Variants in CARMIL1 observed in about 807,000 individuals in gnomAD.
CARMIL1 encodes F-actin-uncapping protein LRRC16A.
CARMIL1 carries 90 observed loss-of-function variants against 177.1 expected under a neutral mutation model. That is an observed-to-expected ratio of 0.51 (90% CI 0.43 to 0.61). CARMIL1 has a LOEUF of 0.61. Ranked by LOEUF, CARMIL1 falls within the 20% of genes least tolerant of loss-of-function variation. The pLI, the probability that CARMIL1 is intolerant of heterozygous loss-of-function variation, is 0.00. For missense variants in CARMIL1, 1,380 were observed against 1,667.0 expected (o/e 0.83, Z 3.00); for synonymous variants, 577 against 606.2 (o/e 0.95, Z 0.71).
intron 36 of CARMIL1, among the ~76,000 whole-genome samples, chr6:25,611,453 A>G (rs1816497990): frequency 6.6e-6 from 1 of 152,222 alleles, no homozygotes; most frequent in African/African-American, 2.4e-5. Flanking sequence ...GCCTGCAGGT[A>G]TTCTCTGACA....
intron 36 of CARMIL1, among the ~76,000 whole-genome samples, chr6:25,617,297 T>C (rs1015189937): frequency 6.6e-5 from 10 of 152,214 alleles, no homozygotes; most frequent in African/African-American, 2.2e-4. Context: ...ATCTCAGTTT[T>C]TTATCTGTGA....
chr6:25,279,609 CTCT>C lies in CARMIL1; in HGVS notation c.-185_-183del, dbSNP rs1224452004. ...CAGCAAATCCGCCTCGCATTTGCAA[CTCT>C]TTTTTTTTTTTTTGGTGGGGCGGGG... On this transcript the variant is annotated 5_prime_UTR_variant, in exon 1 of 37. Transcript: ENST00000329474. 1 of 571,642 alleles carries C rather than the reference CTCT, an allele frequency of 1.7e-6. No individual in the cohort carries two copies. Among genetic ancestry groups the C allele is most frequent in the Non-Finnish European group, 3.1e-6 (1 of 324,090 alleles). 35.4% of individuals were successfully genotyped at this position (571,642 alleles called of 1,614,324 possible). A position where few individuals can be genotyped will look rare whatever the true frequency, so the allele number is the denominator to read the frequency against.
intron 3 of CARMIL1, 46 bp from the exon 4 acceptor site, chr6:25,426,455 A>G (rs1409061260): frequency 2.8e-6 from 4 of 1,411,640 alleles, no homozygotes; most frequent in East Asian, 2.3e-5. Context: ...TTTTTTTAAA[A>G]CCCTCATTGC....
Position 25,426,510 on chromosome 6 carries a change from A to T in CARMIL1, c.199A>T (p.Thr67Ser). The T allele has an allele frequency of 6.2e-7, 1 of 1,611,714 alleles. No homozygotes were observed. The highest frequency in any genetic ancestry group is 8.5e-7 in the Non-Finnish European group (1 of 1,178,814). The change falls in exon 4 of 37, where the codon ACC becomes TCC. Residue 67 changes from threonine to serine, a missense_variant. Coordinates refer to ENST00000329474, the MANE Select transcript of CARMIL1 (RefSeq NM_017640.6). ...TTCCCCTCAATTGCAGCTCGAGTTA[A>T]CCTTCAGCTACTTGGAGATTCATGG... ...TARIPTKLEL[T>S]FSYLEIHGVV...
chr6:25,608,137 T>A (rs1187505593), intron 35 of CARMIL1, among the ~76,000 whole-genome samples: 1 of 152,210 alleles, frequency 6.6e-6, no homozygotes, highest in Non-Finnish European at 1.5e-5. Flanking sequence ...GAAATAGTTC[T>A]TATAGAATGA....
In CARMIL1 at chr6:25,619,793, A is replaced by G. The variant is rs115085361; in HGVS notation, c.*210A>G. 7.0e-4 allele frequency: 238 copies of G among 340,406 alleles called. No individual in the cohort carries two copies. Among genetic ancestry groups the G allele is most frequent in the African/African-American group, 5.9e-3 (233 of 39,632 alleles). 21.1% of individuals were successfully genotyped at this position (340,406 alleles called of 1,614,324 possible). ...AAACAGATCCATTTCTTGGTAATCA[A>G]AGCACATTTGTTTGGTCTTCCTCCA... On this transcript the variant is annotated 3_prime_UTR_variant, in exon 37 of 37. Transcript: ENST00000329474.
chr6:25,542,530 C>T (rs1200916077), intron 26 of CARMIL1, among the ~76,000 whole-genome samples: 1 of 152,090 alleles, frequency 6.6e-6, no homozygotes, highest in Non-Finnish European at 1.5e-5. Context: ...TTCTAAGGTC[C>T]CAGGCCTCCA....
At chr6:25,293,265 G>GGTGTATGTGTGT (rs1782123209) in intron 2 of CARMIL1, among the ~76,000 whole-genome samples, 4 of 134,300 alleles carry the variant, frequency 3.0e-5, no homozygotes, top group Non-Finnish European at 6.4e-5. Flanking sequence ...AAGGATGCTT[G>GGTGTATGTGTGT]GTGTGTGTGT....
intron 2 of CARMIL1, among the ~76,000 whole-genome samples, chr6:25,320,855 G>T (rs1158708326): frequency 6.6e-6 from 1 of 152,136 alleles, no homozygotes; most frequent in Non-Finnish European, 1.5e-5. Flanking sequence ...ATTATCTTGG[G>T]CTACACGTAA....
chr6:25,432,598 G>A (rs1796891225), intron 4 of CARMIL1, among the ~76,000 whole-genome samples: 1 of 152,122 alleles, frequency 6.6e-6, no homozygotes, highest in African/African-American at 2.4e-5. Context: ...CAGTTTTATA[G>A]TTATACAATT....
At chr6:25,327,473 A>G (rs755091365) in intron 2 of CARMIL1, among the ~76,000 whole-genome samples, 3 of 152,264 alleles carry the variant, frequency 2.0e-5, no homozygotes, top group Non-Finnish European at 4.4e-5. Flanking sequence ...GTTTTAGATT[A>G]GAAGAAACCA....
At chr6:25,482,565 T>C (rs1802222703) in intron 12 of CARMIL1, among the ~76,000 whole-genome samples, 1 of 152,246 alleles carries the variant, frequency 6.6e-6, no homozygotes, top group African/African-American at 2.4e-5. Flanking sequence ...TTTTGACATG[T>C]ACATGCAGTC....
intron 2 of CARMIL1, among the ~76,000 whole-genome samples, chr6:25,349,968 C>T (rs1268044169): frequency 6.6e-6 from 1 of 152,022 alleles, no homozygotes; most frequent in Non-Finnish European, 1.5e-5. Context: ...ACCTCGTGAT[C>T]CGCCCGCCTT....
At chr6:25,283,325 G>C (rs895096975) in intron 1 of CARMIL1, among the ~76,000 whole-genome samples, 2 of 152,220 alleles carry the variant, frequency 1.3e-5, no homozygotes, top group Admixed American at 6.5e-5. Context: ...GGTGACAGTG[G>C]GCTGATGGGT....
At chr6:25,553,540 G>A (rs1262667755) in intron 27 of CARMIL1, among the ~76,000 whole-genome samples, 3 of 152,306 alleles carry the variant, frequency 2.0e-5, no homozygotes, top group South Asian at 2.1e-4. Context: ...CAAAGCAGAC[G>A]CAGTTATGGT....
intron 16 of CARMIL1, among the ~76,000 whole-genome samples, chr6:25,495,555 G>GTGTA (rs527352022): frequency 0.023 from 3,475 of 151,646 alleles, 63 homozygotes; most frequent in Non-Finnish European, 0.031. Context: ...GTGTGTGTGT[G>GTGTA]TGTGTGTGTG....
At position 25,466,067 on chromosome 6, in the gene CARMIL1, TGAG is replaced by T. The variant is rs574949334; in HGVS notation, c.690+124_690+126del. 1,673 of 674,156 alleles carry T rather than the reference TGAG, an allele frequency of 2.5e-3. 14 individuals carry two copies. Among genetic ancestry groups the T allele is most frequent in the Non-Finnish European group, 2.2e-3 (847 of 381,820 alleles). The allele number at this position is 674,156 out of a possible 1,614,324, so 41.8% of individuals were successfully genotyped here. A position where few individuals can be genotyped will look rare whatever the true frequency, so the allele number is the denominator to read the frequency against. On this transcript the variant is annotated intron_variant, in intron 9 of 36. Transcript: ENST00000329474. ...AGTAAGCTGTATACATTTTATTTCT[TGAG>T]GAGGTATTTTCCTTTAAATGATTTG...
Position 25,538,009 on chromosome 6 carries a change from G to C in CARMIL1, c.2196+26G>C, listed in dbSNP as rs145977245. ...GTGAGTTTCACTTCAGGCTGTGTGA[G>C]AGTCTGGTATAATAAAAACGTTTCA... is the stretch of plus-strand genomic sequence containing the variant. On this transcript the variant is annotated intron_variant, in intron 25 of 36. Coordinates refer to ENST00000329474, the MANE Select transcript of CARMIL1 (RefSeq NM_017640.6). 3,636 of 1,580,672 alleles carry C rather than the reference G, an allele frequency of 2.3e-3. 3 individuals carry two copies. The highest frequency in any genetic ancestry group is 2.8e-3 in the Non-Finnish European group (3,240 of 1,164,456).
intron 10 of CARMIL1, 89 bp downstream of exon 10, chr6:25,471,346 A>C: frequency 1.4e-6 from 1 of 720,606 alleles, no homozygotes; most frequent in Non-Finnish European, 2.2e-6. Context: ...TTTTTTTTTT[A>C]ATTGGGCTGA....
Sources: gnomAD v4.1 joint callset for allele counts (sites outside exome capture counted in the v4.1 genomes callset) on GRCh38, gnomAD v4.1.1 for gene constraint, MANE v1.5 for transcripts, NCBI Gene and HGNC (gene_info 2026-07-23, HGNC 2026-07-21) for gene names.